The following SNX19 variants were observed in gnomAD, a reference collection of about 807,000 sequenced individuals.
SNX19 encodes sorting nexin-19.
In SNX19, 60 loss-of-function variants were observed where a neutral mutation model predicts 85.2. The ratio of observed to expected loss-of-function variants is 0.70; its 90% CI spans 0.57 to 0.87. The LOEUF (loss-of-function observed/expected upper bound fraction) is 0.87, where lower values mean the gene tolerates loss of function less well. SNX19 is among the 40% of genes least tolerant of loss of function. The pLI is 0.00. For missense variants in SNX19, 1,201 were observed against 1,217.8 expected (o/e 0.99, Z 0.21); for synonymous variants, 520 against 470.0 (o/e 1.11, Z -1.38).
At position 130,903,343 on chromosome 11, in the gene SNX19, G is replaced by C. The variant is rs141501374; in HGVS notation, c.2485C>G (p.Leu829Val). The C allele has an allele frequency of 6.2e-7, 1 of 1,613,254 alleles. No individual in the cohort carries two copies. The highest frequency in any genetic ancestry group is 8.5e-7 in the Non-Finnish European group (1 of 1,179,920). ...TTCCACTGTTCTGTTAGTAGCAAGA[G>C]GAGCAGATCCAGGGCTGTGTCAGCT... ...ELADTALDLLLLLLTEQWKWL... is the reference protein window; with the variant it reads ...ELADTALDLLVLLLTEQWKWL... The change falls in exon 8 of 11, where the codon CTC becomes GTC. Residue 829 changes from leucine (L) to valine (V), a missense_variant. Around this residue, in one of 3 missense-constraint regions of SNX19, gnomAD observed 285 missense variants for 295.3 expected, o/e 0.97. Coordinates refer to ENST00000265909, the MANE Select transcript of SNX19 (RefSeq NM_014758.3).
chr11:130,892,621 A>G (rs1944573301), intron 8 of SNX19: 1 of 152,192 alleles, frequency 6.6e-6, no homozygotes, highest in Admixed American at 6.5e-5. Flanking sequence ...TCAGGGAAGT[A>G]AATACTGAAA....
rs894234929 is a variant in SNX19 at position 130,872,448 on chromosome 11, T to G, written c.*5974A>C. Among the ~76,000 whole-genome samples, 6 of 152,048 alleles carry G rather than the reference T, an allele frequency of 3.9e-5. No homozygotes were observed. Among genetic ancestry groups the G allele is most frequent in the African/African-American group, 1.4e-4 (6 of 41,428 alleles). On this transcript the variant is annotated 3_prime_UTR_variant, in exon 11 of 11. Coordinates refer to ENST00000265909, the MANE Select transcript of SNX19 (RefSeq NM_014758.3). ...ACGCTTGACAATTAAAACATTCTTC[T>G]GGATTTCCTTTTTTTTTTTCTCTCT...
intron 1 of SNX19, 80 bp downstream of exon 1, chr11:130,914,186 C>G: frequency 8.2e-7 from 1 of 1,214,532 alleles, no homozygotes; most frequent in Non-Finnish European, 1.2e-6. Context: ...AGCATCTCTC[C>G]CCCAAGAACA....
At position 130,911,704 on chromosome 11, in the gene SNX19, C is replaced by T. The variant is rs779185353; in HGVS notation, c.1742G>A (p.Arg581His). The change falls in exon 2 of 11, where the codon CGT becomes CAT. Residue 581 changes from arginine (R) to histidine (H), a missense_variant. By Grantham distance (29) the Arg-to-His change is conservative. Coordinates refer to ENST00000265909, the MANE Select transcript of SNX19 (RefSeq NM_014758.3). ...LQQLAYHTVN[R>H]RYREFLNLQT... ...CAGATTCAAGAACTCCCGATAGCGA[C>T]GATTCACAGTGTGGTAGGCCAGCTG... 15 of 1,614,166 alleles carry T rather than the reference C, an allele frequency of 9.3e-6. No homozygotes were observed. Among genetic ancestry groups the T allele is most frequent in the East Asian group, 2.2e-5 (1 of 44,890 alleles).
intron 8 of SNX19, among the ~76,000 whole-genome samples, chr11:130,900,216 G>C (rs1290785451): frequency 7.2e-5 from 11 of 152,196 alleles, no homozygotes; most frequent in Non-Finnish European, 1.6e-4. Flanking sequence ...GGCTGAGGTG[G>C]GAGGATGGCT....
rs1295719497 is a variant in SNX19, at chr11:130,914,192, G to A, written c.1674+74C>T. On this transcript the variant is annotated intron_variant, in intron 1 of 10. Coordinates refer to ENST00000265909, the MANE Select transcript of SNX19 (RefSeq NM_014758.3). ...CAAACTAACAGCATCTCTCCCCCAA[G>A]AACATTTGCTTCATGACTGCTTTCC... 3.1e-6 allele frequency: 4 copies of A among 1,282,876 alleles called. No homozygotes were observed. In the African/African-American group the frequency reaches 4.5e-5, roughly 14 times the overall value. 79.5% of individuals were successfully genotyped at this position (1,282,876 alleles called of 1,614,324 possible).
At chr11:130,888,823 A>G (rs1944283076) in intron 8 of SNX19, among the ~76,000 whole-genome samples, 2 of 152,224 alleles carry the variant, frequency 1.3e-5, no homozygotes, top group African/African-American at 4.8e-5. Context: ...TACAGGTTTA[A>G]ATGTACAAAC....
intron 10 of SNX19, 140 bp downstream of exon 10, chr11:130,879,484 C>CTACAG: frequency 1.5e-6 from 1 of 681,776 alleles, no homozygotes; most frequent in South Asian, 1.9e-5. Context: ...ACGTCAAACT[C>CTACAG]TGTAGTCAGT....
Position 130,914,555 on chromosome 11 carries a change from G to A in SNX19, c.1385C>T (p.Thr462Ile), listed in dbSNP as rs148850453. Residue 462 changes from threonine (T) to isoleucine (I), a missense_variant, in exon 1 of 11, where the codon ACC becomes ATC. Around this residue, in one of 3 missense-constraint regions of SNX19, gnomAD observed 791 missense variants for 750.9 expected, o/e 1.05. Coordinates refer to ENST00000265909, the MANE Select transcript of SNX19 (RefSeq NM_014758.3). ...ADKEIEQGDVTASVTALLEGP... is the reference protein window; with the variant it reads ...ADKEIEQGDVIASVTALLEGP... ...CTCCAGCAAAGCTGTAACAGAGGCG[G>A]TAACATCTCCTTGTTCTATCTCCTT... is the stretch of plus-strand genomic sequence containing the variant. The A allele has an allele frequency of 1.2e-5, 20 of 1,613,864 alleles. No homozygotes were observed. In the African/African-American group the frequency reaches 2.5e-4, roughly 20 times the overall value.
In SNX19 at chr11:130,908,060, G is replaced by A; in HGVS notation, c.2058C>T (p.Asp686=). 4 of 1,614,140 alleles carry A rather than the reference G, an allele frequency of 2.5e-6. No homozygotes were observed. Among genetic ancestry groups the A allele is most frequent in the Non-Finnish European group, 3.4e-6 (4 of 1,180,016 alleles). Residue 686 remains aspartate, a synonymous_variant, in exon 5 of 11, where the codon GAC becomes GAT. Transcript: ENST00000265909. ...AGCGAGGAAACGCTGTCTTCAAGGT[G>A]TCCACAATGGCACTCACCACCATCT... ...IDKMVVSAIV[D]TLKTAFPRSE... is the part of the protein sequence containing the mutation.
intron 8 of SNX19, among the ~76,000 whole-genome samples, chr11:130,886,838 C>A (rs988741340): frequency 1.3e-5 from 2 of 152,208 alleles, no homozygotes; most frequent in African/African-American, 2.4e-5. Flanking sequence ...CAGCTCTAGG[C>A]TTCTGTCCTG....
At chr11:130,882,658 T>C (rs533632406) in intron 8 of SNX19, among the ~76,000 whole-genome samples, 5 of 152,234 alleles carry the variant, frequency 3.3e-5, no homozygotes, top group Admixed American at 6.5e-5. Context: ...GAGCCTAAGA[T>C]GCCTGATGAA....
At chr11:130,904,476 C>G (rs1565538266) in intron 7 of SNX19, among the ~76,000 whole-genome samples, 2 of 152,146 alleles carry the variant, frequency 1.3e-5, no homozygotes, top group Admixed American at 1.3e-4. Context: ...GGATTGGGAG[C>G]TGATATGTTG....
In SNX19 at chr11:130,903,267, G is replaced by T; in HGVS notation, c.2561C>A (p.Thr854Asn). ...TCAGCAGTCTTACCTTTGAACTAGG[G>T]TCCCAAAGATAAGACGAAGAAACTT... ...MQKFLRLIFGTLVQRWLEVQV... is the reference protein window; with the variant it reads ...MQKFLRLIFGNLVQRWLEVQV... The change falls in exon 8 of 11, where the codon ACC (threonine) becomes AAC (asparagine). Residue 854 changes from threonine (T) to asparagine (N), a missense_variant. This residue lies in a region of SNX19 where 285 missense variants were observed against 295.3 expected (regional missense o/e 0.97). Transcript: ENST00000265909. The T allele has an allele frequency of 1.2e-6, 2 of 1,613,694 alleles. No homozygotes were observed. Among genetic ancestry groups the T allele is most frequent in the South Asian group, 2.2e-5 (2 of 91,056 alleles).
chr11:130,888,511 C>T (rs1944249699), intron 8 of SNX19, among the ~76,000 whole-genome samples: 2 of 152,160 alleles, frequency 1.3e-5, no homozygotes, highest in Admixed American at 6.5e-5. Flanking sequence ...GGAATCCATA[C>T]ACAATGTAAC....
chr11:130,906,855 G>C (rs914362339), intron 5 of SNX19, 134 bp from the exon 6 acceptor site: 1 of 670,808 alleles, frequency 1.5e-6, no homozygotes, highest in African/African-American at 1.8e-5. Context: ...TGTGGTCAGA[G>C]CTGCCAGGAA....
At chr11:130,891,500 G>A (rs559580554) in intron 8 of SNX19, among the ~76,000 whole-genome samples, 2 of 152,280 alleles carry the variant, frequency 1.3e-5, no homozygotes, top group African/African-American at 2.4e-5. Context: ...AGGCCCAGAG[G>A]ATAGAAGAGA....
chr11:130,891,354 C>T (rs1944481270), intron 8 of SNX19, among the ~76,000 whole-genome samples: 1 of 108,772 alleles, frequency 9.2e-6, no homozygotes, highest in Admixed American at 9.7e-5. Flanking sequence ...TCACACCTGG[C>T]TATGCATTCC....
In SNX19 at chr11:130,878,475, T is replaced by C. The variant is rs1476152642; in HGVS notation, c.2926A>G (p.Thr976Ala). The C allele has an allele frequency of 1.2e-6, 2 of 1,613,588 alleles. No homozygotes were observed. Among genetic ancestry groups the C allele is most frequent in the South Asian group, 1.1e-5 (1 of 91,040 alleles). The part of the protein sequence containing the change: ...SASVEESAAT[T>A]SASDTPGNSK... The stretch of plus-strand genomic sequence containing the variant: ...TTGCCTGGGGTATCTGAGGCAGAGG[T>C]GGTAGCAGCAGACTCCTCAACAGAG... Residue 976 changes from threonine (T) to alanine (A), a missense_variant, in exon 11 of 11, where the codon ACC (threonine) becomes GCC (alanine). Around this residue, in one of 3 missense-constraint regions of SNX19, gnomAD observed 285 missense variants for 295.3 expected, o/e 0.97. Transcript: ENST00000265909.
Sources: gnomAD v4.1 joint callset for allele counts (sites outside exome capture counted in the v4.1 genomes callset) on GRCh38, gnomAD v4.1.1 for gene constraint, gnomAD v4.1.1 regional missense constraint, MANE v1.5 for transcripts, NCBI Gene and HGNC (gene_info 2026-07-23, HGNC 2026-07-21) for gene names.